Variants in PCDH11Y observed in about 807,000 individuals in gnomAD.
The protein encoded by PCDH11Y is protocadherin-11 Y-linked.
For synonymous variants in PCDH11Y, 9 were observed against 83.6 expected (o/e 0.11, Z 4.87); for missense variants, 12 against 224.8 (o/e 0.05, Z 6.05).
At chrY:5,648,169 G>T (rs1602956041) in intron 4 of PCDH11Y, among the ~76,000 whole-genome samples, 98 of 33,151 alleles carry the variant, frequency 3.0e-3, no homozygotes, top group African/African-American at 0.011. Context: ...TATGCTGCAT[G>T]AGATAATTAG....
intron 2 of PCDH11Y, among the ~76,000 whole-genome samples, chrY:5,117,179 T>TA (rs2052811789): frequency 3.1e-5 from 1 of 32,628 alleles, no homozygotes; most frequent in Admixed American, 2.8e-4. Context: ...ACTTTCTGGA[T>TA]AAGGTGACTC....
At chrY:5,410,947 T>C (rs2053247022) in intron 2 of PCDH11Y, among the ~76,000 whole-genome samples, 2 of 29,488 alleles carry the variant, frequency 6.8e-5, no homozygotes, top group Non-Finnish European at 1.6e-4. Flanking sequence ...GATGGGTGTT[T>C]AGGTAGTTCC....
chrY:5,546,194 C>G, intron 3 of PCDH11Y, among the ~76,000 whole-genome samples: 2 of 31,738 alleles, frequency 6.3e-5, no homozygotes, highest in Admixed American at 5.8e-4. Context: ...AATGAACTAC[C>G]TTAGTTTCTG....
At chrY:5,119,837 A>G (rs747962245) in intron 2 of PCDH11Y, among the ~76,000 whole-genome samples, 40 of 30,722 alleles carry the variant, frequency 1.3e-3, no homozygotes, top group Non-Finnish European at 2.7e-3. Context: ...ATTTTGTTCC[A>G]AAGAGGCAAA....
intron 2 of PCDH11Y, among the ~76,000 whole-genome samples, chrY:5,249,726 C>CA (rs1426014731): frequency 1.6e-3 from 47 of 29,018 alleles, no homozygotes; most frequent in African/African-American, 4.0e-3. Flanking sequence ...TTCTGCACAG[C>CA]AAAAAAAAAA....
chrY:5,720,233 G>A, intron 4 of PCDH11Y, among the ~76,000 whole-genome samples: 2 of 31,608 alleles, frequency 6.3e-5, no homozygotes, highest in Admixed American at 5.8e-4. Flanking sequence ...TGTTGAGAAG[G>A]AATGATTTGT....
chrY:5,407,718 T>C (rs375639837), intron 2 of PCDH11Y, among the ~76,000 whole-genome samples: 351 of 30,671 alleles, frequency 0.011, no homozygotes, highest in South Asian at 0.041. Context: ...TTGAGACCAT[T>C]CTGGCTAACA....
intron 2 of PCDH11Y, among the ~76,000 whole-genome samples, chrY:5,303,040 G>A (rs2053085220): frequency 3.1e-5 from 1 of 32,596 alleles, no homozygotes; most frequent in Non-Finnish European, 7.5e-5. Flanking sequence ...CTTGAAACAC[G>A]CTTATGATAT....
intron 2 of PCDH11Y, among the ~76,000 whole-genome samples, chrY:5,417,586 A>G: frequency 3.1e-5 from 1 of 32,736 alleles, no homozygotes; most frequent in South Asian, 6.8e-4. Context: ...AGAAAATTCT[A>G]CTGGAAGAAG....
chrY:5,327,005 T>C (rs2053122386), intron 2 of PCDH11Y, among the ~76,000 whole-genome samples: 1 of 32,754 alleles, frequency 3.1e-5, no homozygotes, highest in Non-Finnish European at 7.4e-5. Flanking sequence ...GGAAAGGAGT[T>C]GTTGTTTTGT....
chrY:5,027,035 G>A (rs2124620707), intron 1 of PCDH11Y, among the ~76,000 whole-genome samples: 2 of 32,485 alleles, frequency 6.2e-5, no homozygotes, highest in Non-Finnish European at 1.5e-4. Flanking sequence ...AAAGCAGGGG[G>A]CTTGCTTGAG....
intron 3 of PCDH11Y, among the ~76,000 whole-genome samples, chrY:5,516,628 G>T (rs1368224633): frequency 1.9e-4 from 6 of 31,929 alleles, no homozygotes; most frequent in South Asian, 6.9e-4. Flanking sequence ...ACGTTTTTTT[G>T]TTTGTTTGTT....
chrY:5,190,721 C>G, intron 2 of PCDH11Y, among the ~76,000 whole-genome samples: 2 of 32,436 alleles, frequency 6.2e-5, no homozygotes, highest in Admixed American at 5.8e-4. Context: ...AAGATAGGAA[C>G]TAGAGAGGGG....
chrY:5,055,257 G>T, upstream of PCDH11Y, among the ~76,000 whole-genome samples: 1 of 33,258 alleles, frequency 3.0e-5, no homozygotes, highest in Non-Finnish European at 7.5e-5. Flanking sequence ...ATAACACATT[G>T]CTTGGCATAA....
chrY:5,096,525 A>T (rs2052750595), intron 1 of PCDH11Y, among the ~76,000 whole-genome samples: 1 of 25,208 alleles, frequency 4.0e-5, no homozygotes, highest in Non-Finnish European at 9.0e-5. Context: ...TCCTCCTCCG[A>T]TCTTTTCTTC....
chrY:5,672,124 C>A (rs2053549887), intron 4 of PCDH11Y, among the ~76,000 whole-genome samples: 1 of 31,966 alleles, frequency 3.1e-5, no homozygotes, highest in African/African-American at 1.2e-4. Flanking sequence ...AATGAATAAT[C>A]TTTCTATTGT....
At chrY:5,700,776 T>A in intron 4 of PCDH11Y, among the ~76,000 whole-genome samples, 1 of 33,696 alleles carries the variant, frequency 3.0e-5, no homozygotes, top group Non-Finnish European at 7.3e-5. Flanking sequence ...GACATGACTT[T>A]GGTATTAAGT....
chrY:5,698,984 A>G (rs1602961505), intron 4 of PCDH11Y, among the ~76,000 whole-genome samples: 1 of 32,874 alleles, frequency 3.0e-5, no homozygotes, highest in Non-Finnish European at 7.4e-5. Flanking sequence ...TGAACTTTGG[A>G]TGGAGTTTTT....
At chrY:5,533,810 C>T in intron 3 of PCDH11Y, among the ~76,000 whole-genome samples, 2 of 33,222 alleles carry the variant, frequency 6.0e-5, no homozygotes, top group Non-Finnish European at 7.4e-5. Context: ...AATGAGAGAA[C>T]ATTGGTAATT....
Sources: gnomAD v4.1 joint callset for allele counts (sites outside exome capture counted in the v4.1 genomes callset) on GRCh38, gnomAD v4.1.1 for gene constraint, MANE v1.5 for transcripts, NCBI Gene and HGNC (gene_info 2026-07-23, HGNC 2026-07-21) for gene names.